GLT1D1: variants seen among roughly 807,000 people sequenced by gnomAD.
GLT1D1 encodes glycosyltransferase 1 domain containing 1, also known as glycosyltransferase 1 domain-containing protein 1.
GLT1D1 carries 21 observed loss-of-function variants against 28.7 expected under a neutral mutation model. The observed-to-expected ratio is 0.73, with a 90% CI of 0.52 to 1.05. The LOEUF is 1.05. Among genes scored for constraint, GLT1D1 ranks in the 50% least tolerant of loss-of-function variants. The pLI, the probability that GLT1D1 is intolerant of heterozygous loss-of-function variation, is 0.00. For synonymous variants in GLT1D1, 147 were observed against 124.8 expected (o/e 1.18, Z -1.19); for missense variants, 343 against 330.6 (o/e 1.04, Z -0.29).
At chr12:128,944,550 A>G in intron 4 of GLT1D1, 1 of 783,154 alleles carries the variant, frequency 1.3e-6, no homozygotes, top group South Asian at 1.3e-5. Flanking sequence ...AGACTTGGCC[A>G]TTGGTGAGAT....
At chr12:128,908,619 G>C (rs1440049144) in intron 4 of GLT1D1, among the ~76,000 whole-genome samples, 1 of 150,606 alleles carries the variant, frequency 6.6e-6, no homozygotes, top group Non-Finnish European at 1.5e-5. Flanking sequence ...ATGGTGGCTG[G>C]CGTTTCTGTG....
intron 7 of GLT1D1, among the ~76,000 whole-genome samples, chr12:128,969,643 C>T (rs1309118937): frequency 1.3e-5 from 2 of 152,208 alleles, no homozygotes; most frequent in Non-Finnish European, 2.9e-5. Flanking sequence ...CGGGGCTCCT[C>T]CTGGCCGCCT....
At chr12:128,925,734 A>C (rs1873136926) in intron 4 of GLT1D1, among the ~76,000 whole-genome samples, 1 of 152,112 alleles carries the variant, frequency 6.6e-6, no homozygotes, top group African/African-American at 2.4e-5. Flanking sequence ...ATTGCATCTA[A>C]ATCTTTTCTA....
At chr12:128,866,728 C>G (rs1956534878) in intron 1 of GLT1D1, among the ~76,000 whole-genome samples, 1 of 151,420 alleles carries the variant, frequency 6.6e-6, no homozygotes, top group Admixed American at 6.6e-5. Flanking sequence ...TCAAGCGATT[C>G]TCCTGCCTCA....
intron 7 of GLT1D1, among the ~76,000 whole-genome samples, chr12:128,972,262 G>T (rs946683671): frequency 6.6e-6 from 1 of 152,220 alleles, no homozygotes; most frequent in Non-Finnish European, 1.5e-5. Flanking sequence ...TGTGACCACC[G>T]CCCATGCGGT....
At chr12:128,874,124 C>CTCTTTCTTTCTTTCTTTCTTTCTT (rs756979442) in intron 1 of GLT1D1, among the ~76,000 whole-genome samples, 4 of 39,282 alleles carry the variant, frequency 1.0e-4, no homozygotes, top group Non-Finnish European at 1.3e-4. Context: ...CTCTCTCTCT[C>CTCTTTCTTTCTTTCTTTCTTTCTT]TCTTTCTTTC....
At chr12:128,892,047 G>A (rs1869123585) in intron 3 of GLT1D1, among the ~76,000 whole-genome samples, 1 of 152,126 alleles carries the variant, frequency 6.6e-6, no homozygotes, top group African/African-American at 2.4e-5. Context: ...AGCAGGGAGG[G>A]GTTTTCCAGG....
chr12:128,879,372 TTTTCTTTTTCTTTCTTTC>T lies in GLT1D1; in HGVS notation c.217+3318_217+3335del, dbSNP rs1450739382. ...TTCTGTAAAGTGATACTTATTATTT[TTTTCTTTTTCTTTCTTTC>T]TTTCTTTCTTTCTTTCTTTCTTTCT... On this transcript the variant is annotated intron_variant, in intron 2 of 7. Coordinates refer to ENST00000281703, the MANE Select transcript of GLT1D1 (RefSeq NM_144669.3). 1.1e-3 allele frequency among the ~76,000 whole-genome samples: 151 copies of T among 141,372 alleles called. 3 individuals carry two copies. The highest frequency in any genetic ancestry group is 4.1e-3 in the African/African-American group (144 of 34,952). 92.7% of individuals were successfully genotyped at this position (141,372 alleles called of 152,430 possible).
intron 1 of GLT1D1, chr12:128,864,215 C>A (rs767468554): frequency 1.6e-6 from 1 of 640,226 alleles, no homozygotes; most frequent in South Asian, 1.7e-5. Flanking sequence ...TTGCAACCCA[C>A]GGGCACTCCG....
intron 4 of GLT1D1, among the ~76,000 whole-genome samples, chr12:128,915,266 G>C (rs1871990550): frequency 6.6e-6 from 1 of 151,982 alleles, no homozygotes; most frequent in African/African-American, 2.4e-5. Context: ...TTCTTTATAA[G>C]AATAACAACC....
rs1566084525 is a variant in GLT1D1, at chr12:128,866,498, GCCC to G, written c.69-9412_69-9410del. On this transcript the variant is annotated intron_variant, in intron 1 of 7. Coordinates refer to ENST00000281703, the MANE Select transcript of GLT1D1 (RefSeq NM_144669.3). ...TATTCCTCCTCCTGCCCCCCACCAA[GCCC>G]CCCAACAGCCTCTGGGAACCACCAT... 2.1e-5 allele frequency among the ~76,000 whole-genome samples: 3 copies of G among 140,966 alleles called. No homozygotes were observed. In the South Asian group the frequency reaches 6.7e-4, roughly 32 times the overall value. The allele number at this position is 140,966 out of a possible 152,430, so 92.5% of individuals were successfully genotyped here.
At chr12:128,966,444 AC>A (rs1210684881) in intron 7 of GLT1D1, among the ~76,000 whole-genome samples, 1 of 151,766 alleles carries the variant, frequency 6.6e-6, no homozygotes, top group Admixed American at 6.6e-5. Context: ...TCTTTTCACC[AC>A]CCTTCCCTAT....
chr12:128,960,902 C>T (rs991769066), intron 7 of GLT1D1, among the ~76,000 whole-genome samples: 34 of 152,094 alleles, frequency 2.2e-4, no homozygotes, highest in Non-Finnish European at 4.0e-4. Flanking sequence ...CTATTCAAAT[C>T]AATGCTAAAT....
chr12:128,870,316 C>G (rs978993489), intron 1 of GLT1D1, among the ~76,000 whole-genome samples: 1 of 152,178 alleles, frequency 6.6e-6, no homozygotes, highest in Non-Finnish European at 1.5e-5. Flanking sequence ...TGACCAAACT[C>G]TACTGTACAC....
At chr12:128,864,163 C>T (rs1414379811) in intron 1 of GLT1D1, 13 of 685,442 alleles carry the variant, frequency 1.9e-5, no homozygotes, top group Non-Finnish European at 3.5e-5. Flanking sequence ...TGCGAGGTGC[C>T]TGTCAGACGA....
At chr12:128,953,938 C>A (rs1332417546) in intron 6 of GLT1D1, among the ~76,000 whole-genome samples, 1 of 151,570 alleles carries the variant, frequency 6.6e-6, no homozygotes, top group Non-Finnish European at 1.5e-5. Context: ...TAGAGACGGG[C>A]TTTCACCACG....
intron 2 of GLT1D1, among the ~76,000 whole-genome samples, chr12:128,879,375 TC>T (rs1314473163): frequency 1.9e-5 from 2 of 105,392 alleles, no homozygotes; most frequent in African/African-American, 9.1e-5. Context: ...ATTATTTTTT[TC>T]TTTTTCTTTC....
At chr12:128,942,281 C>G (rs1418294378) in intron 4 of GLT1D1, among the ~76,000 whole-genome samples, 3 of 152,040 alleles carry the variant, frequency 2.0e-5, no homozygotes, top group Non-Finnish European at 2.9e-5. Flanking sequence ...TAGTGATAAT[C>G]CACAAGTTTG....
chr12:128,888,555 G>A (rs12309809), intron 2 of GLT1D1, 84 bp from the exon 3 acceptor site: 196,617 of 853,172 alleles, frequency 0.23, 24,467 homozygotes, highest in Admixed American at 0.3. Flanking sequence ...GGGAACTTCA[G>A]TGTTTAAGAT....
Sources: gnomAD v4.1 joint callset for allele counts (sites outside exome capture counted in the v4.1 genomes callset) on GRCh38, gnomAD v4.1.1 for gene constraint, MANE v1.5 for transcripts, NCBI Gene and HGNC (gene_info 2026-07-23, HGNC 2026-07-21) for gene names.